The following KLHL18 variants were observed in gnomAD, a reference collection of about 807,000 sequenced individuals.
KLHL18 encodes the protein kelch-like protein 18.
Under a neutral mutation model 58.5 loss-of-function variants are expected in KLHL18, and 38 were observed. The ratio of observed to expected loss-of-function variants is 0.65; its 90% CI spans 0.50 to 0.85. The LOEUF (loss-of-function observed/expected upper bound fraction) is 0.85, where lower values mean the gene tolerates loss of function less well. Among genes scored for constraint, KLHL18 ranks in the 40% least tolerant of loss-of-function variants. KLHL18 has a pLI of 0.00. For synonymous variants in KLHL18, 303 were observed against 301.9 expected (o/e 1.00, Z -0.04); for missense variants, 624 against 778.4 (o/e 0.80, Z 2.36).
Position 47,334,618 on chromosome 3 carries a change from G to A in KLHL18, c.762-65G>A. 1.3e-6 allele frequency: 2 copies of A among 1,582,284 alleles called. No individual in the cohort carries two copies. The highest frequency in any genetic ancestry group is 1.7e-6 in the Non-Finnish European group (2 of 1,155,714). On this transcript the variant is annotated intron_variant, in intron 5 of 9. Coordinates refer to ENST00000232766, the MANE Select transcript of KLHL18 (RefSeq NM_025010.5). The surrounding 1 kb of genome is among the most constrained non-coding windows in gnomAD (Gnocchi z 4.7). Reference sequence around the variant, plus strand: ...AGTTGGCAGTGGAGAGCCAGGCTCAGAGATGCAAACGAGGACTAAGTCAGG... The same window carrying A: ...AGTTGGCAGTGGAGAGCCAGGCTCAAAGATGCAAACGAGGACTAAGTCAGG...
chr3:47,324,324 T>TTTTTTTTTTTTTC (rs71098477), intron 3 of KLHL18, among the ~76,000 whole-genome samples: 1 of 135,370 alleles, frequency 7.4e-6, no homozygotes, highest in Non-Finnish European at 1.6e-5. Flanking sequence ...TTTTTTTTTT[T>TTTTTTTTTTTTTC]CTGTAAGGTA....
intron 9 of KLHL18, among the ~76,000 whole-genome samples, 196 bp from the exon 10 acceptor site, chr3:47,343,359 A>AG (rs1219456500): frequency 1.3e-5 from 2 of 152,192 alleles, no homozygotes; most frequent in Non-Finnish European, 2.9e-5. Flanking sequence ...AGAAAGGGTT[A>AG]GGTGAGGTGA....
In KLHL18 at chr3:47,344,346, G is replaced by T; in HGVS notation, c.*405G>T. On this transcript the variant is annotated 3_prime_UTR_variant, in exon 10 of 10. Coordinates refer to ENST00000232766, the MANE Select transcript of KLHL18 (RefSeq NM_025010.5). ...CTGGCCAATTTGCCATGGGGAGGCT[G>T]CAGTGTCCAAGCCTGCTGGAAACTG... is the stretch of plus-strand genomic sequence containing the variant. 3.8e-6 allele frequency: 1 copy of T among 266,398 alleles called. No individual in the cohort carries two copies. The highest frequency in any genetic ancestry group is 7.3e-6 in the Non-Finnish European group (1 of 137,412). 16.5% of individuals were successfully genotyped at this position (266,398 alleles called of 1,614,324 possible).
intron 1 of KLHL18, among the ~76,000 whole-genome samples, chr3:47,294,550 C>T (rs1248697185): frequency 6.6e-6 from 1 of 152,104 alleles, no homozygotes; most frequent in Non-Finnish European, 1.5e-5. Flanking sequence ...GAGGCAGGAG[C>T]ACACTTGGTG....
At chr3:47,324,294 C>CTTTTTTTTTTTTTTTTTTTTTTTTTTT (rs1559498832) in intron 3 of KLHL18, among the ~76,000 whole-genome samples, 1 of 10,604 alleles carries the variant, frequency 9.4e-5, no homozygotes, top group African/African-American at 2.1e-4. Context: ...CTTTTTCTTT[C>CTTTTTTTTTTTTTTTTTTTTTTTTTTT]TTTCTTTTTT....
intron 1 of KLHL18, among the ~76,000 whole-genome samples, chr3:47,314,574 C>T (rs1703379006): frequency 6.6e-6 from 1 of 151,762 alleles, no homozygotes; most frequent in Admixed American, 6.6e-5. Context: ...CTCAAGCTAT[C>T]CTCCCACCTC....
At position 47,346,306 on chromosome 3, in the gene KLHL18, AAAGT is replaced by A. The variant is rs1484701850; in HGVS notation, c.*2369_*2372del. ...CTGCTGCACCTGAGGTCGATGTTTC[AAAGT>A]AAGATCAAGCCAGTGTTTTGATCTG... On this transcript the variant is annotated 3_prime_UTR_variant, in exon 10 of 10. Coordinates refer to ENST00000232766, the MANE Select transcript of KLHL18 (RefSeq NM_025010.5). The A allele has an allele frequency of 2.6e-5, 4 of 152,596 alleles. No homozygotes were observed. Among genetic ancestry groups the A allele is most frequent in the Non-Finnish European group, 5.9e-5 (4 of 68,040 alleles). The allele number at this position is 152,596 out of a possible 1,614,324, so 9.5% of individuals were successfully genotyped here.
chr3:47,330,249 C>A, intron 4 of KLHL18, 100 bp downstream of exon 4: 2 of 1,040,744 alleles, frequency 1.9e-6, no homozygotes, highest in Non-Finnish European at 2.9e-6. Context: ...AAGATCATGA[C>A]ATGTATGTGG....
At chr3:47,283,456 G>T in intron 1 of KLHL18, 1 of 311,172 alleles carries the variant, frequency 3.2e-6, no homozygotes, top group South Asian at 4.5e-5. Context: ...CACCACTGAA[G>T]AACCTTCTCT....
chr3:47,318,707 A>C (rs534764304), intron 1 of KLHL18, among the ~76,000 whole-genome samples: 55 of 152,382 alleles, frequency 3.6e-4, no homozygotes, highest in African/African-American at 9.6e-4. Context: ...GCAAGGAATC[A>C]AGAAAACAGA....
intron 9 of KLHL18, among the ~76,000 whole-genome samples, chr3:47,343,274 A>G (rs1343998112): frequency 6.6e-6 from 1 of 152,244 alleles, no homozygotes; most frequent in Non-Finnish European, 1.5e-5. Context: ...CAGGAGACCC[A>G]GCTCTCATAC....
intron 1 of KLHL18, among the ~76,000 whole-genome samples, chr3:47,308,338 A>G (rs1232695361): frequency 6.6e-6 from 1 of 152,028 alleles, no homozygotes; most frequent in Non-Finnish European, 1.5e-5. Flanking sequence ...TTTCCATTGA[A>G]CCTGTCACCC....
chr3:47,319,569 G>A (rs1206226421), intron 1 of KLHL18, 84 bp from the exon 2 acceptor site: 6 of 1,474,108 alleles, frequency 4.1e-6, no homozygotes, highest in Middle Eastern at 1.9e-4. Flanking sequence ...GGAGCCGGGC[G>A]GAGGGGCAGG....
chr3:47,283,889 G>A (rs1358649845), intron 1 of KLHL18, among the ~76,000 whole-genome samples: 1 of 152,200 alleles, frequency 6.6e-6, no homozygotes, highest in African/African-American at 2.4e-5. Context: ...GATCAGTGGG[G>A]CTCCCTGTTG....
In KLHL18 at chr3:47,307,013, A is replaced by T. The variant is rs376247224; in HGVS notation, c.130-12640A>T. ...ATTCGTTGATTTATTGGAGTTCTTT[A>T]TGTACTCTGGATACTAATTATTTGT... On this transcript the variant is annotated intron_variant, in intron 1 of 9. Transcript: ENST00000232766. 3.6e-4 allele frequency among the ~76,000 whole-genome samples: 55 copies of T among 151,896 alleles called. No individual in the cohort carries two copies. In the South Asian group the frequency reaches 9.2e-3, roughly 25 times the overall value.
intron 1 of KLHL18, among the ~76,000 whole-genome samples, chr3:47,319,438 A>G (rs947773413): frequency 2.0e-5 from 3 of 152,192 alleles, no homozygotes; most frequent in Non-Finnish European, 4.4e-5. Context: ...TATTGTTTAC[A>G]TTCTTCTACT....
At chr3:47,321,775 T>G (rs886116275) in intron 2 of KLHL18, among the ~76,000 whole-genome samples, 11 of 152,272 alleles carry the variant, frequency 7.2e-5, no homozygotes, top group Non-Finnish European at 5.9e-5. Flanking sequence ...GTCTGTGCTA[T>G]TTTCAGGTGA....
intron 1 of KLHL18, among the ~76,000 whole-genome samples, chr3:47,295,832 G>A (rs573964556): frequency 3.9e-5 from 6 of 151,932 alleles, no homozygotes; most frequent in African/African-American, 9.7e-5. Flanking sequence ...CTCCCACCTC[G>A]GCCTCACAAA....
chr3:47,307,631 C>A (rs543182871), intron 1 of KLHL18, among the ~76,000 whole-genome samples: 7 of 151,808 alleles, frequency 4.6e-5, no homozygotes, highest in African/African-American at 1.7e-4. Flanking sequence ...CTCAGGCAGT[C>A]CTCCCACCTC....
Sources: gnomAD v4.1 joint callset for allele counts (sites outside exome capture counted in the v4.1 genomes callset) on GRCh38, gnomAD v4.1.1 for gene constraint, Gnocchi (gnomAD v3.1) non-coding constraint, MANE v1.5 for transcripts, NCBI Gene and HGNC (gene_info 2026-07-23, HGNC 2026-07-21) for gene names.